Variants in DNAJC18 observed in about 807,000 individuals in gnomAD.
DNAJC18 encodes DnaJ heat shock protein family (Hsp40) member C18.
In DNAJC18, 40 loss-of-function variants were observed where a neutral mutation model predicts 48.6. The observed-to-expected ratio is 0.82, with a 90% CI of 0.64 to 1.07. DNAJC18 has a LOEUF of 1.07. Among genes scored for constraint, DNAJC18 ranks in the 50% least tolerant of loss-of-function variants. The probability of loss-of-function intolerance (pLI) is 0.00; values close to 1 mark genes in which losing one functional copy is unlikely to be tolerated. For synonymous variants in DNAJC18, 135 were observed against 152.2 expected (o/e 0.89, Z 0.83); for missense variants, 340 against 427.7 (o/e 0.79, Z 1.81).
Position 139,413,872 on chromosome 5 carries a change from G to T in DNAJC18, c.*276C>A. 1 of 386,566 alleles carries T rather than the reference G, an allele frequency of 2.6e-6. No individual in the cohort carries two copies. Among genetic ancestry groups the T allele is most frequent in the Non-Finnish European group, 4.6e-6 (1 of 215,996 alleles). 23.9% of individuals were successfully genotyped at this position (386,566 alleles called of 1,614,324 possible). On this transcript the variant is annotated 3_prime_UTR_variant, in exon 8 of 8. Transcript: ENST00000302060. ...GGATGCCCTGAACTCCATTCACATAGGCAGGGTAGGCATGGAGCAGGGAGA... is the reference window on the plus strand; with the variant it reads ...GGATGCCCTGAACTCCATTCACATATGCAGGGTAGGCATGGAGCAGGGAGA...
At chr5:139,419,244 T>G in intron 7 of DNAJC18, 1 of 414,812 alleles carries the variant, frequency 2.4e-6, no homozygotes, top group Admixed American at 2.9e-5. Context: ...ACGCGGTATG[T>G]GTGTGTAGAA....
intron 5 of DNAJC18, among the ~76,000 whole-genome samples, chr5:139,424,015 A>C (rs1168151415): frequency 6.6e-6 from 1 of 152,196 alleles, no homozygotes; most frequent in Non-Finnish European, 1.5e-5. Context: ...ATGCTTGGCC[A>C]CAGCTGATTG....
chr5:139,415,075 T>A (rs1468650435), intron 7 of DNAJC18, among the ~76,000 whole-genome samples: 1 of 152,184 alleles, frequency 6.6e-6, no homozygotes, highest in African/African-American at 2.4e-5. Flanking sequence ...ATTAACAGGA[T>A]GGCATGCTTG....
At chr5:139,414,376 C>A in intron 7 of DNAJC18, 104 bp from the exon 8 acceptor site, 1 of 1,440,098 alleles carries the variant, frequency 6.9e-7, no homozygotes, top group Non-Finnish European at 9.2e-7. Flanking sequence ...CAAGCTTTTT[C>A]TTACAATTAA....
At chr5:139,433,409 A>C (rs1759361651) in intron 2 of DNAJC18, among the ~76,000 whole-genome samples, 1 of 150,076 alleles carries the variant, frequency 6.7e-6, no homozygotes, top group Non-Finnish European at 1.5e-5. Flanking sequence ...GTGCCACTGC[A>C]CTCCGGCTTG....
chr5:139,418,981 G>A (rs1759109522), intron 7 of DNAJC18: 3 of 418,216 alleles, frequency 7.2e-6, no homozygotes, highest in Non-Finnish European at 1.5e-5. Flanking sequence ...GAACACAGAG[G>A]AAGGAGAGCT....
rs139960738 is a variant in DNAJC18, at chr5:139,420,095, T to G, written c.910A>C (p.Ile304Leu). 9.1e-4 allele frequency: 1,467 copies of G among 1,604,546 alleles called. 2 individuals are homozygous for G. Among genetic ancestry groups the G allele is most frequent in the Non-Finnish European group, 1.0e-3 (1,210 of 1,177,366 alleles). Residue 304 changes from isoleucine (I) to leucine (L), a missense_variant, in exon 7 of 8, where the codon ATT becomes CTT. Coordinates refer to ENST00000302060, the MANE Select transcript of DNAJC18 (RefSeq NM_152686.4). ...DLEKTIEKDY[I>L]DYIQTSCWKE... ...CAACAACTAGTCTGGATATAATCAA[T>G]GTAATCCTTCTCTATTGTTTTCTCC...
intron 5 of DNAJC18, 34 bp from the exon 6 acceptor site, chr5:139,422,851 A>C: frequency 6.6e-7 from 1 of 1,508,228 alleles, no homozygotes. Flanking sequence ...ACTTGCTGTA[A>C]GTGTTCTTTT....
chr5:139,429,145 G>A (rs965152443), intron 2 of DNAJC18, among the ~76,000 whole-genome samples: 2 of 146,266 alleles, frequency 1.4e-5, no homozygotes, highest in East Asian at 2.0e-4. Context: ...GTGCAATGGC[G>A]CGATCTCAGC....
At position 139,428,522 on chromosome 5, in the gene DNAJC18, T is replaced by C. The variant is rs1166718272; in HGVS notation, c.373+16A>G. 2 of 1,601,232 alleles carry C rather than the reference T, an allele frequency of 1.2e-6. No homozygotes were observed. On this transcript the variant is annotated intron_variant, in intron 3 of 7. Transcript: ENST00000302060. The stretch of plus-strand genomic sequence containing the variant: ...CCATGACAAGGGCACCATTGAGCAT[T>C]GGTTCAGGATCAGACCTTTGAAAGC...
intron 7 of DNAJC18, among the ~76,000 whole-genome samples, chr5:139,417,040 A>AT (rs1210347188): frequency 2.0e-5 from 3 of 152,100 alleles, no homozygotes; most frequent in Non-Finnish European, 4.4e-5. Context: ...AACTACAAAA[A>AT]TTAGCCAGGC....
rs769769757 is a variant in DNAJC18, at chr5:139,439,455, C to G, written c.-10G>C. On this transcript the variant is annotated 5_prime_UTR_variant, in exon 1 of 8. Transcript: ENST00000302060. This position sits in a 1 kb window ranked among gnomAD's most constrained non-coding sequence, Gnocchi z 4.1. ...CCAGAGTCGCCGCCATATCGGTTCC[C>G]AATCAGCAGGTCCGCCGAGCCTCCC... 16 of 1,613,980 alleles carry G rather than the reference C, an allele frequency of 9.9e-6. No homozygotes were observed. The East Asian group carries it at 3.3e-4, about 34-fold the overall frequency.
At chr5:139,417,908 C>T (rs906390705) in intron 7 of DNAJC18, among the ~76,000 whole-genome samples, 11 of 151,780 alleles carry the variant, frequency 7.2e-5, no homozygotes, top group Non-Finnish European at 1.3e-4. Context: ...TGGAGAGTGC[C>T]GAAGCTCTGA....
intron 6 of DNAJC18, 55 bp from the exon 7 acceptor site, chr5:139,420,280 C>A: frequency 6.6e-7 from 1 of 1,505,276 alleles, no homozygotes; most frequent in South Asian, 1.3e-5. Flanking sequence ...CAATATTACT[C>A]TTAGCACTGC....
In DNAJC18 at chr5:139,414,664, C is replaced by CA. The variant is rs534593754; in HGVS notation, c.953-393dup. ...GCCTATTCCTGTCATCTGAAACAGA[C>CA]AGCTGCTTTATTCTTCTCCTGCATT... is the stretch of plus-strand genomic sequence containing the variant. On this transcript the variant is annotated intron_variant, in intron 7 of 7. Transcript: ENST00000302060. 1.3e-4 allele frequency among the ~76,000 whole-genome samples: 20 copies of CA among 152,382 alleles called. No individual in the cohort carries two copies. The East Asian group carries it at 3.9e-3, about 29-fold the overall frequency.
chr5:139,410,960 G>A lies in DNAJC18; in HGVS notation c.*3188C>T, dbSNP rs1259533305. ...ATTTTTGTATTTTTAGTACAGACAG[G>A]GTTTCACCATGTTGGCCAGGCTGGT... On this transcript the variant is annotated 3_prime_UTR_variant, in exon 8 of 8. Transcript: ENST00000302060. The A allele has an allele frequency of 2.0e-5, 3 of 151,790 alleles. No individual in the cohort carries two copies. The highest frequency in any genetic ancestry group is 2.0e-4 in the Admixed American group (3 of 15,226). The allele number at this position is 151,790 out of a possible 1,614,324, so 9.4% of individuals were successfully genotyped here.
At chr5:139,431,451 T>C (rs982960993) in intron 2 of DNAJC18, among the ~76,000 whole-genome samples, 1 of 152,238 alleles carries the variant, frequency 6.6e-6, no homozygotes, top group Non-Finnish European at 1.5e-5. Context: ...AAAGGAGTTA[T>C]ATAACATGTA....
chr5:139,427,961 C>T (rs1160513155), intron 3 of DNAJC18, among the ~76,000 whole-genome samples: 1 of 152,208 alleles, frequency 6.6e-6, no homozygotes, highest in East Asian at 1.9e-4. Context: ...TTGCCTGTAA[C>T]AATGACTTGG....
Position 139,412,926 on chromosome 5 carries a change from G to T in DNAJC18, c.*1222C>A. 2.5e-6 allele frequency: 1 copy of T among 398,606 alleles called. No individual in the cohort carries two copies. The highest frequency in any genetic ancestry group is 4.4e-5 in the Admixed American group (1 of 22,730). 24.7% of individuals were successfully genotyped at this position (398,606 alleles called of 1,614,324 possible). ...AGGTTCTGCTTTGCCAGTCTGGCTA[G>T]AATCACCTGAGACATGAGGATGCTC... On this transcript the variant is annotated 3_prime_UTR_variant, in exon 8 of 8. Transcript: ENST00000302060.
Sources: allele counts gnomAD v4.1 joint callset (sites outside exome capture counted in the v4.1 genomes callset), GRCh38; gene constraint gnomAD v4.1.1; non-coding constraint Gnocchi (gnomAD v3.1); transcripts MANE v1.5; gene names NCBI Gene and HGNC (gene_info 2026-07-23, HGNC 2026-07-21).